MPPED1: variants seen among roughly 807,000 people sequenced by gnomAD.
MPPED1 encodes metallophosphoesterase domain-containing protein 1.
A neutral mutation model predicts 36.2 loss-of-function variants in MPPED1; 16 were observed. The ratio of observed to expected loss-of-function variants is 0.44; its 90% CI spans 0.30 to 0.67. The LOEUF (loss-of-function observed/expected upper bound fraction) is 0.67, where lower values mean the gene tolerates loss of function less well. Among genes scored for constraint, MPPED1 ranks in the 30% least tolerant of loss-of-function variants. MPPED1 has a pLI of 0.10. For missense variants in MPPED1, 307 were observed against 453.4 expected (o/e 0.68, Z 2.93); for synonymous variants, 199 against 191.3 (o/e 1.04, Z -0.33).
intron 3 of MPPED1, among the ~76,000 whole-genome samples, chr22:43,450,504 G>A (rs1028653492): frequency 6.6e-6 from 1 of 152,224 alleles, no homozygotes; most frequent in African/African-American, 2.4e-5. Flanking sequence ...ATATGGCCTT[G>A]GGCATGTTCT....
chr22:43,472,557 A>C (rs1212014643), intron 3 of MPPED1, among the ~76,000 whole-genome samples: 1 of 152,230 alleles, frequency 6.6e-6, no homozygotes, highest in Non-Finnish European at 1.5e-5. Context: ...CCCATGTACC[A>C]GTGGTCCCCC....
chr22:43,421,298 C>G (rs962057688), intron 1 of MPPED1, among the ~76,000 whole-genome samples: 1 of 152,362 alleles, frequency 6.6e-6, no homozygotes, highest in Non-Finnish European at 1.5e-5. Context: ...TAAAAGAAGC[C>G]GTTGCGTTTC....
At chr22:43,426,424 G>GT (rs1929474208) in intron 2 of MPPED1, among the ~76,000 whole-genome samples, 1 of 152,122 alleles carries the variant, frequency 6.6e-6, no homozygotes, top group Non-Finnish European at 1.5e-5. Flanking sequence ...ATCCAGTGCT[G>GT]TAGGGCCTAC....
chr22:43,474,710 G>C lies in MPPED1; in HGVS notation c.407-26G>C. ...GGACAAGCTGACGGCTGTGTGCTGT[G>C]TGTCTGTCTGTGTCCACCCCTGCAG... is the stretch of plus-strand genomic sequence containing the variant. On this transcript the variant is annotated intron_variant, in intron 3 of 6. Coordinates refer to ENST00000443721, the MANE Select transcript of MPPED1 (RefSeq NM_001044370.2). This position sits in a 1 kb window ranked among gnomAD's most constrained non-coding sequence, Gnocchi z 5.2. 6.2e-7 allele frequency: 1 copy of C among 1,610,894 alleles called. No homozygotes were observed. Among genetic ancestry groups the C allele is most frequent in the Non-Finnish European group, 8.5e-7 (1 of 1,177,456 alleles).
intron 3 of MPPED1, among the ~76,000 whole-genome samples, chr22:43,445,581 G>C (rs1464843990): frequency 2.7e-5 from 3 of 113,036 alleles, no homozygotes; most frequent in Non-Finnish European, 3.5e-5. Flanking sequence ...TTTTTTTGCA[G>C]ACAGGATCTC....
At chr22:43,428,552 C>T (rs546869630) in intron 2 of MPPED1, among the ~76,000 whole-genome samples, 123 of 152,274 alleles carry the variant, frequency 8.1e-4, no homozygotes, top group African/African-American at 2.9e-3. Context: ...GGGATGGCTG[C>T]CACTTCCCGA....
chr22:43,429,622 A>AT (rs1284532022), intron 2 of MPPED1, among the ~76,000 whole-genome samples: 4 of 152,208 alleles, frequency 2.6e-5, no homozygotes, highest in African/African-American at 9.7e-5. Flanking sequence ...GTGGCACCTG[A>AT]TTCATTCTGT....
chr22:43,437,044 A>G (rs1484568849), intron 3 of MPPED1, among the ~76,000 whole-genome samples: 1 of 152,210 alleles, frequency 6.6e-6, no homozygotes, highest in Non-Finnish European at 1.5e-5. Flanking sequence ...GTGTTTGCAG[A>G]TGTCAGGACC....
chr22:43,483,208 A>G (rs1931804064), intron 4 of MPPED1, among the ~76,000 whole-genome samples: 1 of 152,256 alleles, frequency 6.6e-6, no homozygotes, highest in Non-Finnish European at 1.5e-5. Flanking sequence ...AGAAAAAACG[A>G]GACAGGTTAA....
chr22:43,426,200 G>A (rs903999602), intron 2 of MPPED1, among the ~76,000 whole-genome samples: 5 of 152,124 alleles, frequency 3.3e-5, no homozygotes, highest in Admixed American at 6.5e-5. Flanking sequence ...AGTCCAGCCC[G>A]GGGCTCTCCT....
rs570223512 is a variant in MPPED1 at position 43,441,362 on chromosome 22, C to T, written c.406+6147C>T. On this transcript the variant is annotated intron_variant, in intron 3 of 6. Coordinates refer to ENST00000443721, the MANE Select transcript of MPPED1 (RefSeq NM_001044370.2). The stretch of plus-strand genomic sequence containing the variant: ...CCACTGTCCCCTCTGCCCACTGTGT[C>T]ACCTGCTGAGCTGCTGTGGGTGCTC... 8.3e-4 allele frequency among the ~76,000 whole-genome samples: 127 copies of T among 152,324 alleles called. 1 individual carries two copies. The highest frequency in any genetic ancestry group is 3.0e-3 in the African/African-American group (125 of 41,578).
At chr22:43,422,166 A>T (rs1210258591) in intron 1 of MPPED1, among the ~76,000 whole-genome samples, 3 of 152,134 alleles carry the variant, frequency 2.0e-5, no homozygotes, top group Non-Finnish European at 2.9e-5. Flanking sequence ...AGCCAGCGGG[A>T]GAGGAGGGCA....
chr22:43,431,946 A>C (rs1025528930), intron 2 of MPPED1, among the ~76,000 whole-genome samples: 3 of 152,166 alleles, frequency 2.0e-5, no homozygotes, highest in African/African-American at 7.2e-5. Context: ...GAGTTAATTA[A>C]AGATCTCTGG....
intron 3 of MPPED1, among the ~76,000 whole-genome samples, chr22:43,435,677 T>C (rs956026556): frequency 5.9e-5 from 9 of 152,076 alleles, no homozygotes; most frequent in African/African-American, 2.2e-4. Context: ...GCCAACATGG[T>C]GAAACCTTGT....
At chr22:43,475,562 ATGATGATGGTTGTGGTGGTGGTGGTGG>A (rs1931530290) in intron 4 of MPPED1, among the ~76,000 whole-genome samples, 2 of 18,906 alleles carry the variant, frequency 1.1e-4, no homozygotes, top group Non-Finnish European at 2.9e-4. Flanking sequence ...GATGGTGGTG[ATGATGATGGTTGTGGTGGTGGTGGTGG>A]TGGTGATGGT....
Position 43,432,204 on chromosome 22 carries a change from CAGAG to C in MPPED1, c.225-2816_225-2813del, listed in dbSNP as rs1324789966. ...ACATCTTCAAAACCTCAGAGGCACA[CAGAG>C]AGAGAGAGAGAGACACAGAGAGAAA... is the stretch of plus-strand genomic sequence containing the variant. On this transcript the variant is annotated intron_variant, in intron 2 of 6. Coordinates refer to ENST00000443721, the MANE Select transcript of MPPED1 (RefSeq NM_001044370.2). Among the ~76,000 whole-genome samples, 9 of 35,050 alleles carry C rather than the reference CAGAG, an allele frequency of 2.6e-4. No homozygotes were observed. The East Asian group carries it at 7.0e-3, about 27-fold the overall frequency. The allele number at this position is 35,050 out of a possible 152,430, so 23.0% of individuals were successfully genotyped here.
intron 1 of MPPED1, among the ~76,000 whole-genome samples, chr22:43,412,803 G>C (rs1174192686): frequency 6.6e-6 from 1 of 152,176 alleles, no homozygotes; most frequent in African/African-American, 2.4e-5. Flanking sequence ...TGTTGATCAT[G>C]GAATGCCCAA....
intron 2 of MPPED1, among the ~76,000 whole-genome samples, chr22:43,426,923 C>A (rs1355920308): frequency 1.3e-5 from 2 of 152,236 alleles, no homozygotes; most frequent in African/African-American, 4.8e-5. Context: ...GCTTGCCGCT[C>A]CTCGGTCTGT....
intron 3 of MPPED1, among the ~76,000 whole-genome samples, chr22:43,465,009 C>A (rs562360296): frequency 6.6e-6 from 1 of 152,220 alleles, no homozygotes; most frequent in Non-Finnish European, 1.5e-5. Context: ...CACCCCACCC[C>A]GGTACCACAT....
Sources: gnomAD v4.1 joint callset for allele counts (sites outside exome capture counted in the v4.1 genomes callset) on GRCh38, gnomAD v4.1.1 for gene constraint, Gnocchi (gnomAD v3.1) non-coding constraint, MANE v1.5 for transcripts, NCBI Gene and HGNC (gene_info 2026-07-23, HGNC 2026-07-21) for gene names.